The following AGBL3 variants were observed in gnomAD, a reference collection of about 807,000 sequenced individuals.
The protein encoded by AGBL3 is cytosolic carboxypeptidase 3.
A neutral mutation model predicts 94.5 loss-of-function variants in AGBL3; 68 were observed. The ratio of observed to expected loss-of-function variants is 0.72; its 90% confidence interval spans 0.59 to 0.88. AGBL3 has a LOEUF of 0.88. AGBL3 is among the 40% of genes least tolerant of loss of function. AGBL3 has a pLI of 0.00. For synonymous variants in AGBL3, 354 were observed against 370.7 expected, an observed-to-expected ratio of 0.95 and a Z score of 0.52; for missense variants, 934 against 1,103.8, an observed-to-expected ratio of 0.85 and a Z score of 2.18.
At chr7:135,024,616 C>T (rs1178525282) in intron 5 of AGBL3, among the ~76,000 whole-genome samples, 2 of 152,200 alleles carry the variant, frequency 1.3e-5, no homozygotes, top group Admixed American at 6.5e-5. Context: ...AATGAGCACA[C>T]TAGCTCTCCA....
At chr7:135,059,053 G>A (rs944669949) in intron 11 of AGBL3, 116 bp from the exon 12 acceptor site, 9 of 811,942 alleles carry the variant, frequency 1.1e-5, no homozygotes, top group Admixed American at 5.4e-5. Flanking sequence ...CACTGCGCCC[G>A]GCCACTTCTT....
intron 4 of AGBL3, among the ~76,000 whole-genome samples, chr7:135,007,889 T>G (rs147362152): frequency 5.4e-4 from 82 of 152,132 alleles, no homozygotes; most frequent in African/African-American, 1.9e-3. Flanking sequence ...AATGAACTTA[T>G]GAAAACTATT....
intron 5 of AGBL3, among the ~76,000 whole-genome samples, chr7:135,020,457 G>A (rs997450653): frequency 2.0e-5 from 3 of 152,202 alleles, no homozygotes; most frequent in South Asian, 2.1e-4. Flanking sequence ...TTACACTGTT[G>A]GTGGGACTGT....
At chr7:135,061,900 T>A (rs1818868772) in intron 12 of AGBL3, among the ~76,000 whole-genome samples, 1 of 152,112 alleles carries the variant, frequency 6.6e-6, no homozygotes, top group Non-Finnish European at 1.5e-5. Flanking sequence ...TAGAATTTGT[T>A]TTCTATTTCT....
chr7:135,003,807 T>C (rs1812036426), intron 4 of AGBL3, among the ~76,000 whole-genome samples: 1 of 151,502 alleles, frequency 6.6e-6, no homozygotes, highest in African/African-American at 2.4e-5. Flanking sequence ...GAAAGTTATT[T>C]TTGTGTGTAT....
chr7:135,033,305 C>A (rs1306586422), intron 6 of AGBL3, among the ~76,000 whole-genome samples: 1 of 152,072 alleles, frequency 6.6e-6, no homozygotes, highest in East Asian at 1.9e-4. Context: ...ATCCCAAGGG[C>A]ATTATTTTAT....
At position 135,047,262 on chromosome 7, in the gene AGBL3, G is replaced by A. The variant is rs140999934; in HGVS notation, c.1841+1351G>A. Among the ~76,000 whole-genome samples the A allele has an allele frequency of 9.3e-4, 142 of 151,872 alleles. 1 individual carries two copies. In the East Asian group the frequency reaches 0.023, roughly 25 times the overall value. Reference sequence around the variant, plus strand: ...TTCTTTTTTAAAGCTGAATAGGTACGTCTTATTTTCTTTATCCATTCATTT... The same window carrying A: ...TTCTTTTTTAAAGCTGAATAGGTACATCTTATTTTCTTTATCCATTCATTT... On this transcript the variant is annotated intron_variant, in intron 11 of 16. Coordinates refer to ENST00000436302, the MANE Select transcript of AGBL3 (RefSeq NM_178563.4).
intron 8 of AGBL3, among the ~76,000 whole-genome samples, chr7:135,043,255 A>G (rs1817039744): frequency 6.6e-6 from 1 of 152,226 alleles, no homozygotes; most frequent in Admixed American, 6.5e-5. Context: ...CAGAATGGGT[A>G]CTATTCAGGC....
chr7:135,043,932 T>C, intron 8 of AGBL3, 93 bp from the exon 9 acceptor site: 3 of 1,430,456 alleles, frequency 2.1e-6, no homozygotes, highest in Non-Finnish European at 2.8e-6. Flanking sequence ...AATTATAGAC[T>C]TTGCATAACC....
intron 5 of AGBL3, among the ~76,000 whole-genome samples, chr7:135,028,958 A>G (rs913138942): frequency 6.6e-6 from 1 of 152,226 alleles, no homozygotes; most frequent in African/African-American, 2.4e-5. Flanking sequence ...TGCATTGTCA[A>G]TAAGCAGTAA....
chr7:135,092,935 A>G (rs1400581537), intron 15 of AGBL3: 1 of 152,086 alleles, frequency 6.6e-6, no homozygotes, highest in Non-Finnish European at 1.5e-5. Context: ...GCACATGGTC[A>G]TCTCAATAGA....
intron 15 of AGBL3, chr7:135,092,729 G>C (rs1281586005): frequency 6.6e-6 from 1 of 151,956 alleles, no homozygotes; most frequent in Admixed American, 6.6e-5. Flanking sequence ...CAAATAAATT[G>C]AACTTTTTTT....
intron 11 of AGBL3, among the ~76,000 whole-genome samples, chr7:135,051,982 T>C (rs1817915855): frequency 9.0e-6 from 1 of 111,096 alleles, no homozygotes; most frequent in Non-Finnish European, 1.8e-5. Context: ...ATATTAACTT[T>C]TAGAAATAAC....
At chr7:135,110,755 G>A (rs966572287) in intron 15 of AGBL3, among the ~76,000 whole-genome samples, 3 of 152,180 alleles carry the variant, frequency 2.0e-5, no homozygotes, top group Admixed American at 1.3e-4. Flanking sequence ...CCATGAGAGC[G>A]ACAAATGCAA....
chr7:135,075,539 T>A (rs1033775771), intron 12 of AGBL3, among the ~76,000 whole-genome samples: 6 of 152,210 alleles, frequency 3.9e-5, no homozygotes, highest in Admixed American at 3.9e-4. Flanking sequence ...ATAACATTAG[T>A]GTACAGGTTT....
chr7:135,129,135 T>A, intron 16 of AGBL3: 1 of 1,517,640 alleles, frequency 6.6e-7, no homozygotes, highest in Non-Finnish European at 9.2e-7. Flanking sequence ...GTTATTTGCC[T>A]ATTATGACTG....
In AGBL3 at chr7:135,046,314, C is replaced by T. The variant is rs561276922; in HGVS notation, c.1841+403C>T. 5.3e-5 allele frequency among the ~76,000 whole-genome samples: 8 copies of T among 152,154 alleles called. No homozygotes were observed. In the South Asian group the frequency reaches 6.2e-4, roughly 12 times the overall value. On this transcript the variant is annotated intron_variant, in intron 11 of 16. Coordinates refer to ENST00000436302, the MANE Select transcript of AGBL3 (RefSeq NM_178563.4). ...TACTTATTTACAGTTAATGAGTCTG[C>T]AGTGACATGTCTTTATCATCCAAAG... is the stretch of plus-strand genomic sequence containing the variant.
In AGBL3 at chr7:135,080,744, G is replaced by GTT. The variant is rs11409204; in HGVS notation, c.2038+498_2038+499dup. On this transcript the variant is annotated intron_variant, in intron 14 of 16. Transcript: ENST00000436302. Reference sequence around the variant, plus strand: ...CTTTAACTGACTCTCTAGCATCTCTGTTTTTTTTTTTTTTTCTTAATTCTG... The same window carrying GTT: ...CTTTAACTGACTCTCTAGCATCTCTGTTTTTTTTTTTTTTTTTCTTAATTCTG... Among the ~76,000 whole-genome samples the GTT allele has an allele frequency of 3.6e-3, 490 of 136,828 alleles. 1 individual carries two copies. Among genetic ancestry groups the GTT allele is most frequent in the Middle Eastern group, 0.027 (7 of 256 alleles). 89.8% of individuals were successfully genotyped at this position (136,828 alleles called of 152,430 possible).
intron 15 of AGBL3, among the ~76,000 whole-genome samples, chr7:135,099,329 A>G (rs1823409033): frequency 6.6e-6 from 1 of 152,156 alleles, no homozygotes; most frequent in Non-Finnish European, 1.5e-5. Flanking sequence ...GAAACAGTTT[A>G]ATTTAAAGGC....
Sources: gnomAD v4.1 joint callset for allele counts (sites outside exome capture counted in the v4.1 genomes callset) on GRCh38, gnomAD v4.1.1 for gene constraint, MANE v1.5 for transcripts, NCBI Gene and HGNC (gene_info 2026-07-23, HGNC 2026-07-21) for gene names.